Variants in SESN1 observed in about 807,000 individuals in gnomAD.
SESN1 encodes sestrin 1, also known as sestrin-1.
Under a neutral mutation model 59.3 loss-of-function variants are expected in SESN1, and 30 were observed. The observed-to-expected ratio is 0.51, with a 90% CI of 0.38 to 0.69. SESN1 has a LOEUF of 0.69. SESN1 is among the 30% of genes least tolerant of loss of function. SESN1 has a pLI of 0.00. For synonymous variants in SESN1, 197 were observed against 219.9 expected (o/e 0.90, Z 0.92); for missense variants, 566 against 673.0 (o/e 0.84, Z 1.76).
At position 108,987,221 on chromosome 6, in the gene SESN1, T is replaced by TTATC. The variant is rs1779223131; in HGVS notation, c.*319_*322dup. On this transcript the variant is annotated 3_prime_UTR_variant, in exon 10 of 10. Coordinates refer to ENST00000436639, the MANE Select transcript of SESN1 (RefSeq NM_014454.3). ...CATTCTTTGCATGCTCCAATTCTTG[T>TTATC]TATCTTATTTAACATAAAAGCAACA... The TTATC allele has an allele frequency of 4.6e-6, 1 of 219,672 alleles. No individual in the cohort carries two copies. Among genetic ancestry groups the TTATC allele is most frequent in the Non-Finnish European group, 8.9e-6 (1 of 112,708 alleles). The allele number at this position is 219,672 out of a possible 1,614,324, so 13.6% of individuals were successfully genotyped here.
chr6:109,059,296 A>C, intron 1 of SESN1, among the ~76,000 whole-genome samples: 1 of 152,210 alleles, frequency 6.6e-6, no homozygotes, highest in East Asian at 1.9e-4. Flanking sequence ...AAGCAGACAC[A>C]AAATGGTGTT....
chr6:109,048,933 G>A (rs1357829861), intron 1 of SESN1, among the ~76,000 whole-genome samples: 1 of 152,108 alleles, frequency 6.6e-6, no homozygotes, highest in African/African-American at 2.4e-5. Context: ...ACATAACAAT[G>A]GTTTCCTTCT....
intron 1 of SESN1, among the ~76,000 whole-genome samples, chr6:109,049,013 C>A (rs1200361841): frequency 2.0e-5 from 3 of 152,192 alleles, no homozygotes; most frequent in Non-Finnish European, 4.4e-5. Context: ...TAGCACGCTT[C>A]TTTGTACAGA....
At chr6:108,994,366 A>G in intron 6 of SESN1, 96 bp downstream of exon 6, 1 of 979,218 alleles carries the variant, frequency 1.0e-6, no homozygotes, top group Non-Finnish European at 1.5e-6. Flanking sequence ...AAAAGGAAGG[A>G]CATATTTAGA....
intron 6 of SESN1, 188 bp from the exon 7 acceptor site, chr6:108,993,087 T>A (rs1355716171): frequency 3.8e-6 from 2 of 520,656 alleles, no homozygotes; most frequent in Non-Finnish European, 6.7e-6. Context: ...GGAGATTTTC[T>A]GTTATAAAAT....
intron 1 of SESN1, among the ~76,000 whole-genome samples, chr6:109,059,848 C>T (rs555557766): frequency 4.6e-5 from 7 of 152,228 alleles, no homozygotes; most frequent in African/African-American, 1.4e-4. Flanking sequence ...ATAATATTCC[C>T]GAGACTTTTC....
At chr6:109,088,229 A>C (rs1781248684) in intron 1 of SESN1, 1 of 152,066 alleles carries the variant, frequency 6.6e-6, no homozygotes, top group South Asian at 2.1e-4. Flanking sequence ...AGGAATGGAG[A>C]CATCATTTGC....
intron 1 of SESN1, among the ~76,000 whole-genome samples, chr6:109,079,148 C>G (rs183478635): frequency 1.3e-3 from 197 of 148,004 alleles, no homozygotes; most frequent in Admixed American, 3.9e-3. Context: ...CAATTCTAGC[C>G]TGGGGTCAAA....
intron 3 of SESN1, 69 bp downstream of exon 3, chr6:109,001,219 G>T: frequency 2.3e-6 from 3 of 1,283,336 alleles, no homozygotes; most frequent in Non-Finnish European, 3.3e-6. Flanking sequence ...TGTGTTTAAA[G>T]CATTAACTGT....
chr6:109,016,079 G>A (rs547856143), intron 1 of SESN1, among the ~76,000 whole-genome samples: 1 of 152,252 alleles, frequency 6.6e-6, no homozygotes, highest in Non-Finnish European at 1.5e-5. Context: ...TAATGGAACT[G>A]AACTAATCCC....
chr6:109,058,635 G>C (rs1265934802), intron 1 of SESN1, among the ~76,000 whole-genome samples: 1 of 152,110 alleles, frequency 6.6e-6, no homozygotes, highest in African/African-American at 2.4e-5. Context: ...AGTTTCATTT[G>C]GCACAGAAGT....
At position 109,078,785 on chromosome 6, in the gene SESN1, T is replaced by A. The variant is rs186461049; in HGVS notation, c.279+15010A>T. Among the ~76,000 whole-genome samples, 8 of 152,298 alleles carry A rather than the reference T, an allele frequency of 5.3e-5. No homozygotes were observed. The East Asian group carries it at 1.5e-3, about 29-fold the overall frequency. ...ATTCTAACCTTATCTTTAAAAAGCA[T>A]ATTTATTTCAGCCTTAGGTGGAGAG... On this transcript the variant is annotated intron_variant, in intron 1 of 9. Coordinates refer to ENST00000436639, the MANE Select transcript of SESN1 (RefSeq NM_014454.3).
intron 1 of SESN1, among the ~76,000 whole-genome samples, chr6:109,079,504 A>C (rs1231891329): frequency 6.6e-6 from 1 of 152,292 alleles, no homozygotes; most frequent in East Asian, 1.9e-4. Context: ...TACTCTTATA[A>C]ATTTGCAAAT....
intron 1 of SESN1, among the ~76,000 whole-genome samples, chr6:109,013,040 C>T (rs191783565): frequency 1.8e-4 from 28 of 151,542 alleles, no homozygotes; most frequent in African/African-American, 5.8e-4. Context: ...TGCTTGAACC[C>T]GGGAGGCAGA....
At chr6:109,041,313 A>G (rs1342059397) in intron 1 of SESN1, among the ~76,000 whole-genome samples, 1 of 152,024 alleles carries the variant, frequency 6.6e-6, no homozygotes, top group African/African-American at 2.4e-5. Context: ...AAAACTAAAT[A>G]AATAATAATT....
intron 1 of SESN1, among the ~76,000 whole-genome samples, chr6:109,037,369 G>A (rs1184299685): frequency 3.3e-5 from 5 of 152,142 alleles, no homozygotes; most frequent in African/African-American, 1.2e-4. Flanking sequence ...TTATTAGGCC[G>A]TAGAAACCAT....
chr6:108,993,460 T>C lies in SESN1; in HGVS notation c.1121-561A>G, dbSNP rs181331315. ...TCATTAGATGACAACTCTACATCTT[T>C]AGGCATGGAAACAAAAATTTTTCCT... On this transcript the variant is annotated intron_variant, in intron 6 of 9. Transcript: ENST00000436639. 1.7e-4 allele frequency among the ~76,000 whole-genome samples: 26 copies of C among 152,300 alleles called. No homozygotes were observed. In the East Asian group the frequency reaches 5.0e-3, roughly 29 times the overall value.
At chr6:109,088,335 A>AT (rs1421985396) in intron 1 of SESN1, 1 of 152,078 alleles carries the variant, frequency 6.6e-6, no homozygotes, top group Non-Finnish European at 1.5e-5. Flanking sequence ...CTCCAGACTT[A>AT]TTATGTGAAA....
intron 1 of SESN1, among the ~76,000 whole-genome samples, chr6:109,026,271 GT>G (rs1780091571): frequency 6.6e-6 from 1 of 152,166 alleles, no homozygotes; most frequent in African/African-American, 2.4e-5. Context: ...AACTGAAGGA[GT>G]GTCAGTTCAG....
Sources: allele counts gnomAD v4.1 joint callset (sites outside exome capture counted in the v4.1 genomes callset), GRCh38; gene constraint gnomAD v4.1.1; transcripts MANE v1.5; gene names NCBI Gene and HGNC (gene_info 2026-07-23, HGNC 2026-07-21).